The following SOX5 variants were observed in gnomAD, a reference collection of about 807,000 sequenced individuals.
SOX5 encodes SRY-box transcription factor 5.
A neutral mutation model predicts 92.0 loss-of-function variants in SOX5; 9 were observed. The ratio of observed to expected loss-of-function variants is 0.10; its 90% confidence interval spans 0.06 to 0.17. The LOEUF (loss-of-function observed/expected upper bound fraction) is 0.17, where lower values mean the gene tolerates loss of function less well. Ranked by LOEUF, SOX5 falls within the 10% of genes least tolerant of loss-of-function variation. SOX5 has a pLI of 1.00. For synonymous variants in SOX5, 344 were observed against 336.3 expected (o/e 1.02, Z -0.25); for missense variants, 642 against 944.5 (o/e 0.68, Z 4.20).
intron 4 of SOX5, among the ~76,000 whole-genome samples, chr12:24,200,869 A>T (rs35487142): frequency 1.7e-3 from 266 of 152,324 alleles, no homozygotes; most frequent in Non-Finnish European, 2.4e-3. Context: ...ACAGAATTTT[A>T]TTCAAATTGC....
chr12:24,077,788 T>C (rs926402045), intron 4 of SOX5, among the ~76,000 whole-genome samples: 15 of 145,500 alleles, frequency 1.0e-4, no homozygotes, highest in Non-Finnish European at 2.1e-4. Context: ...TATATATATA[T>C]ATATATATAT....
At chr12:24,068,700 GTGTGTATATA>G (rs1375449802) in intron 4 of SOX5, among the ~76,000 whole-genome samples, 2 of 54,088 alleles carry the variant, frequency 3.7e-5, no homozygotes, top group Non-Finnish European at 7.2e-5. Flanking sequence ...GTGTGTGTGT[GTGTGTATATA>G]TATATATATA....
At chr12:24,054,077 C>A (rs1246692465) in intron 4 of SOX5, among the ~76,000 whole-genome samples, 6 of 152,194 alleles carry the variant, frequency 3.9e-5, no homozygotes, top group African/African-American at 1.4e-4. Context: ...CAACTCTTTA[C>A]TGTATTTGAA....
intron 8 of SOX5, among the ~76,000 whole-genome samples, chr12:23,617,505 T>C (rs1196968757): frequency 6.6e-6 from 1 of 152,220 alleles, no homozygotes; most frequent in African/African-American, 2.4e-5. Context: ...ATCTTGATTT[T>C]TCTATTGCAA....
At chr12:23,949,673 G>A (rs1471938957), upstream of SOX5, 1 of 1,611,760 alleles carries the variant, frequency 6.2e-7, no homozygotes, top group Non-Finnish European at 8.5e-7. Context: ...TGTCAAGTGA[G>A]TCCAAACCTT....
chr12:23,648,235 G>A (rs74071393), intron 7 of SOX5, among the ~76,000 whole-genome samples: 2,446 of 152,264 alleles, frequency 0.016, 60 homozygotes, highest in African/African-American at 0.056. Context: ...TGGAAAAATG[G>A]TGCTGACAGA....
chr12:24,480,513 CAA>C (rs964414010), intron 1 of SOX5, among the ~76,000 whole-genome samples: 1 of 151,966 alleles, frequency 6.6e-6, no homozygotes, highest in Non-Finnish European at 1.5e-5. Context: ...ACCCACCTGA[CAA>C]GAGATTAATA....
intron 2 of SOX5, 31 bp downstream of exon 2, chr12:23,895,762 G>C: frequency 2.0e-6 from 3 of 1,484,622 alleles, no homozygotes; most frequent in Non-Finnish European, 2.8e-6. Flanking sequence ...CAAAAAGTGA[G>C]TGTAGGCACA....
intron 4 of SOX5, among the ~76,000 whole-genome samples, chr12:23,990,447 T>C (rs1361948857): frequency 6.6e-6 from 1 of 152,186 alleles, no homozygotes. Flanking sequence ...CAATTACTTG[T>C]CCTTCCCTAC....
chr12:23,633,816 T>C (rs1047585054), intron 8 of SOX5, among the ~76,000 whole-genome samples: 1 of 152,202 alleles, frequency 6.6e-6, no homozygotes, highest in African/African-American at 2.4e-5. Context: ...ATACACACAC[T>C]ATCACATAAT....
chr12:23,853,795 G>A (rs2096659244), intron 2 of SOX5, among the ~76,000 whole-genome samples: 1 of 152,078 alleles, frequency 6.6e-6, no homozygotes, highest in South Asian at 2.1e-4. Flanking sequence ...GATGATATGT[G>A]CTCTGTGTCT....
intron 4 of SOX5, among the ~76,000 whole-genome samples, chr12:24,086,632 C>A (rs1011129860): frequency 1.3e-4 from 20 of 152,062 alleles, no homozygotes; most frequent in Admixed American, 7.2e-4. Context: ...CAAACCCAAT[C>A]TTTTGTTTGT....
chr12:24,152,826 T>C (rs1429876378), intron 4 of SOX5, among the ~76,000 whole-genome samples: 2 of 144,312 alleles, frequency 1.4e-5, no homozygotes, highest in African/African-American at 2.6e-5. Flanking sequence ...GGGGCTTTAC[T>C]GCACTTCAGC....
chr12:24,276,606 C>G (rs775749322), intron 3 of SOX5, among the ~76,000 whole-genome samples: 1 of 152,176 alleles, frequency 6.6e-6, no homozygotes, highest in Non-Finnish European at 1.5e-5. Flanking sequence ...GGATTTTCAA[C>G]TCTAGATCTG....
chr12:23,774,562 G>T (rs147579732), intron 3 of SOX5, among the ~76,000 whole-genome samples: 1 of 152,110 alleles, frequency 6.6e-6, no homozygotes, highest in African/African-American at 2.4e-5. Flanking sequence ...GTATAAAATA[G>T]TAATAATTGA....
At position 23,862,878 on chromosome 12, in the gene SOX5, A is replaced by G. The variant is rs988912988; in HGVS notation, c.271-16685T>C. The stretch of plus-strand genomic sequence containing the variant: ...TTCATTCATTCAAATCACTCACTGT[A>G]GGCCAAATTCTTATCCAATTCCACA... On this transcript the variant is annotated intron_variant, in intron 2 of 14. Coordinates refer to ENST00000451604, the MANE Select transcript of SOX5 (RefSeq NM_006940.6). 4.6e-5 allele frequency among the ~76,000 whole-genome samples: 7 copies of G among 152,320 alleles called. No individual in the cohort carries two copies. The South Asian group carries it at 6.2e-4, about 14-fold the overall frequency.
intron 1 of SOX5, among the ~76,000 whole-genome samples, chr12:24,540,634 A>G (rs186336534): frequency 6.6e-6 from 1 of 152,296 alleles, no homozygotes; most frequent in African/African-American, 2.4e-5. Context: ...GAAAGTAATG[A>G]GATGGATGTT....
chr12:24,447,591 T>C (rs1941672882), intron 1 of SOX5, among the ~76,000 whole-genome samples: 1 of 152,206 alleles, frequency 6.6e-6, no homozygotes, highest in South Asian at 2.1e-4. Flanking sequence ...GTACCAATGT[T>C]TGTGCATTTG....
chr12:24,049,639 T>TTTTTTTTTTTTTTTTTTTA (rs1957371150), intron 4 of SOX5, among the ~76,000 whole-genome samples: 1 of 4,172 alleles, frequency 2.4e-4, no homozygotes, highest in African/African-American at 3.4e-4. Flanking sequence ...TCCTTCATAG[T>TTTTTTTTTTTTTTTTTTTA]TTTTTTTTTT....
Sources: gnomAD v4.1 joint callset for allele counts (sites outside exome capture counted in the v4.1 genomes callset) on GRCh38, gnomAD v4.1.1 for gene constraint, MANE v1.5 for transcripts, NCBI Gene and HGNC (gene_info 2026-07-23, HGNC 2026-07-21) for gene names.